SGK1: variants seen among roughly 807,000 people sequenced by gnomAD.
SGK1 encodes serum/glucocorticoid regulated kinase 1.
A neutral mutation model predicts 64.2 loss-of-function variants in SGK1; 26 were observed. That is an observed-to-expected ratio of 0.40 (90% CI 0.30 to 0.56). The LOEUF (loss-of-function observed/expected upper bound fraction) is 0.56. SGK1 is among the 20% of genes least tolerant of loss of function. The pLI, the probability that SGK1 is intolerant of heterozygous loss-of-function variation, is 0.38. For missense variants in SGK1, 519 were observed against 645.6 expected (o/e 0.80, Z 2.12); for synonymous variants, 265 against 239.7 (o/e 1.11, Z -0.98).
intron 1 of SGK1, chr6:134,298,530 C>G (rs567979678): frequency 1.2e-6 from 1 of 803,954 alleles, no homozygotes; most frequent in African/African-American, 1.7e-5. Context: ...GCCGCTGGCC[C>G]CACCATAGCC....
intron 9 of SGK1, 33 bp from the exon 10 acceptor site, chr6:134,172,349 A>C (rs1460915016): frequency 1.9e-6 from 3 of 1,594,744 alleles, no homozygotes; most frequent in Non-Finnish European, 2.6e-6. Flanking sequence ...GTAGTTGCAC[A>C]AGTTAATTTC....
chr6:134,170,019 C>T lies in SGK1; in HGVS notation c.*249G>A, dbSNP rs540516618. Reference sequence around the variant, plus strand: ...ACTCCTGCCTCCGTCTAAGGCGGCACTCTAACGCTCGTTTCAGAGATAGCA... The same window carrying T: ...ACTCCTGCCTCCGTCTAAGGCGGCATTCTAACGCTCGTTTCAGAGATAGCA... On this transcript the variant is annotated 3_prime_UTR_variant, in exon 14 of 14. Transcript: ENST00000367858. 8 of 306,362 alleles carry T rather than the reference C, an allele frequency of 2.6e-5. No individual in the cohort carries two copies. The highest frequency in any genetic ancestry group is 3.7e-5 in the Non-Finnish European group (6 of 163,610). 19.0% of individuals were successfully genotyped at this position (306,362 alleles called of 1,614,324 possible).
At chr6:134,219,044 A>C (rs1776036723) in intron 2 of SGK1, among the ~76,000 whole-genome samples, 2 of 151,948 alleles carry the variant, frequency 1.3e-5, no homozygotes, top group Admixed American at 1.3e-4. Flanking sequence ...GTGCAGTGGC[A>C]TGGTCTCAGC....
intron 3 of SGK1, among the ~76,000 whole-genome samples, chr6:134,178,545 T>C (rs559742689): frequency 3.9e-5 from 6 of 152,216 alleles, no homozygotes; most frequent in Non-Finnish European, 8.8e-5. Context: ...CCTCTTTCTT[T>C]GGTCCAGATA....
chr6:134,212,208 C>G (rs920613607), intron 2 of SGK1, among the ~76,000 whole-genome samples: 7 of 151,928 alleles, frequency 4.6e-5, no homozygotes, highest in African/African-American at 1.7e-4. Context: ...CGCCTGCCAC[C>G]ACGCCCGGCT....
In SGK1 at chr6:134,252,850, T is replaced by A. The variant is rs142667887; in HGVS notation, c.285+9083A>T. Among the ~76,000 whole-genome samples, 810 of 152,182 alleles carry A rather than the reference T, an allele frequency of 5.3e-3. 3 individuals carry two copies. The highest frequency in any genetic ancestry group is 0.01 in the Middle Eastern group (3 of 294). The stretch of plus-strand genomic sequence containing the variant: ...ATACATCATGCCAAGAGCAAAAAAC[T>A]GGGAGAAATGAGCAATTTGAAGTAC... On this transcript the variant is annotated intron_variant, in intron 2 of 13. Transcript: ENST00000367858.
At chr6:134,173,750 T>C in intron 5 of SGK1, 184 bp from the exon 6 acceptor site, 1 of 600,824 alleles carries the variant, frequency 1.7e-6, no homozygotes. Flanking sequence ...ACAGTCATGT[T>C]GTTTCAGACA....
intron 1 of SGK1, chr6:134,297,695 G>T (rs769325588): frequency 4.5e-6 from 2 of 442,976 alleles, no homozygotes; most frequent in Non-Finnish European, 8.4e-6. Context: ...TAGAGACAGG[G>T]TTTCACCCTG....
intron 1 of SGK1, among the ~76,000 whole-genome samples, chr6:134,281,763 C>T (rs1057502520): frequency 1.3e-5 from 2 of 152,052 alleles, no homozygotes; most frequent in South Asian, 2.1e-4. Flanking sequence ...ATGATCCTCC[C>T]GTCTCGGCCT....
At chr6:134,175,570 C>T in intron 3 of SGK1, 1 of 1,564,142 alleles carries the variant, frequency 6.4e-7, no homozygotes, top group Non-Finnish European at 8.7e-7. Flanking sequence ...GAAGGACTCG[C>T]TCCTTTTCTG....
At chr6:134,179,395 CAGAAAACATAATTATTATAATTAT>C (rs1172478567) in intron 3 of SGK1, among the ~76,000 whole-genome samples, 2 of 151,650 alleles carry the variant, frequency 1.3e-5, no homozygotes, top group African/African-American at 4.8e-5. Context: ...ATAGAAATAC[CAGAAAACATAATTATTATAATTAT>C]AGAAAACATA....
At chr6:134,314,809 T>A (rs891254112) in intron 1 of SGK1, among the ~76,000 whole-genome samples, 1 of 145,384 alleles carries the variant, frequency 6.9e-6, no homozygotes, top group East Asian at 2.2e-4. Context: ...TTTTTTTTTT[T>A]CCAAAATCTA....
In SGK1 at chr6:134,252,616, C is replaced by CAAAAAAA. The variant is rs11418007; in HGVS notation, c.285+9310_285+9316dup. Among the ~76,000 whole-genome samples the CAAAAAAA allele has an allele frequency of 3.5e-4, 23 of 65,968 alleles. 1 individual carries two copies. The highest frequency in any genetic ancestry group is 1.1e-3 in the East Asian group (2 of 1,768). 43.3% of individuals were successfully genotyped at this position (65,968 alleles called of 152,430 possible). ...TGGGCAACAGAGTGAGATTCCACCTCAAAAAAAAAAAAAAAAAAAAAAAAG... is the reference window on the plus strand; with the variant it reads ...TGGGCAACAGAGTGAGATTCCACCTCAAAAAAAAAAAAAAAAAAAAAAAAAAAAAAAG... On this transcript the variant is annotated intron_variant, in intron 2 of 13. Coordinates refer to ENST00000367858, the MANE Select transcript of SGK1 (RefSeq NM_001143676.3).
intron 1 of SGK1, among the ~76,000 whole-genome samples, chr6:134,302,651 A>G (rs898604473): frequency 6.6e-6 from 1 of 152,136 alleles, no homozygotes; most frequent in Non-Finnish European, 1.5e-5. Flanking sequence ...TATCTAACAT[A>G]TTTTGAGTGC....
chr6:134,299,398 T>C (rs1056961625), intron 1 of SGK1, among the ~76,000 whole-genome samples: 7 of 151,884 alleles, frequency 4.6e-5, no homozygotes, highest in African/African-American at 1.7e-4. Flanking sequence ...AAATAATAGC[T>C]GAGTAAGTGT....
At chr6:134,307,704 T>C (rs1777554751) in intron 1 of SGK1, among the ~76,000 whole-genome samples, 1 of 152,152 alleles carries the variant, frequency 6.6e-6, no homozygotes, top group Admixed American at 6.5e-5. Context: ...AACCATCCTC[T>C]TTTTTTCCCA....
At chr6:134,193,511 C>G (rs1315303230) in intron 3 of SGK1, among the ~76,000 whole-genome samples, 1 of 151,912 alleles carries the variant, frequency 6.6e-6, no homozygotes, top group African/African-American at 2.4e-5. Flanking sequence ...GGATCTTCTC[C>G]CTTTGTTTTT....
intron 3 of SGK1, chr6:134,177,877 T>C (rs986648346): frequency 6.5e-7 from 1 of 1,546,986 alleles, no homozygotes; most frequent in African/African-American, 1.4e-5. Flanking sequence ...CCACTTTATA[T>C]CAAGGCAATT....
intron 2 of SGK1, among the ~76,000 whole-genome samples, chr6:134,254,938 G>T (rs1055858073): frequency 4.0e-5 from 6 of 151,584 alleles, no homozygotes; most frequent in African/African-American, 1.5e-4. Flanking sequence ...GCGCCATCTC[G>T]GCTCACTGCA....
Sources: allele counts gnomAD v4.1 joint callset (sites outside exome capture counted in the v4.1 genomes callset), GRCh38; gene constraint gnomAD v4.1.1; transcripts MANE v1.5; gene names NCBI Gene and HGNC (gene_info 2026-07-23, HGNC 2026-07-21).